The following PCDH15 variants were observed in gnomAD, a reference collection of about 807,000 sequenced individuals.
PCDH15 encodes the protein protocadherin-15.
In PCDH15, 129 loss-of-function variants were observed where a neutral mutation model predicts 178.5. That is an observed-to-expected ratio of 0.72 (90% confidence interval 0.63 to 0.84). PCDH15 has a LOEUF of 0.84. Among genes scored for constraint, PCDH15 ranks in the 40% least tolerant of loss-of-function variants. The pLI, the probability that PCDH15 is intolerant of heterozygous loss-of-function variation, is 0.00. For missense variants in PCDH15, 2,230 were observed against 2,099.9 expected (o/e 1.06, Z -1.21); for synonymous variants, 800 against 732.0 (o/e 1.09, Z -1.50).
At chr10:54,914,829 C>T (rs1352066236) in intron 2 of PCDH15, among the ~76,000 whole-genome samples, 1 of 152,160 alleles carries the variant, frequency 6.6e-6, no homozygotes, top group African/African-American at 2.4e-5. Flanking sequence ...CAAAGATTTG[C>T]TTGACATTCA....
chr10:54,380,116 ATAC>A (rs1310136196), intron 3 of PCDH15, among the ~76,000 whole-genome samples: 6 of 152,064 alleles, frequency 3.9e-5, no homozygotes, highest in Non-Finnish European at 7.4e-5. Flanking sequence ...TTTCTTTATC[ATAC>A]TACTACTACC....
At chr10:54,810,386 T>A (rs946685081) in intron 3 of PCDH15, among the ~76,000 whole-genome samples, 2 of 152,158 alleles carry the variant, frequency 1.3e-5, no homozygotes, top group African/African-American at 4.8e-5. Flanking sequence ...GCGTGGAATA[T>A]CCTGGCCTAG....
At chr10:55,623,711 G>A (rs1283445599) in intron 2 of PCDH15, among the ~76,000 whole-genome samples, 2 of 150,796 alleles carry the variant, frequency 1.3e-5, no homozygotes, top group African/African-American at 2.4e-5. Context: ...AAAGATAGGA[G>A]TGGTGGCTAC....
At chr10:55,039,701 G>T (rs1840819054) in intron 2 of PCDH15, among the ~76,000 whole-genome samples, 1 of 152,128 alleles carries the variant, frequency 6.6e-6, no homozygotes, top group Non-Finnish European at 1.5e-5. Context: ...GGAGGAGAAT[G>T]TAAAAGTGGC....
At chr10:54,856,884 G>A (rs1375314265) in intron 3 of PCDH15, among the ~76,000 whole-genome samples, 2 of 152,154 alleles carry the variant, frequency 1.3e-5, no homozygotes, top group African/African-American at 2.4e-5. Context: ...GATAAGAACT[G>A]TTGTGGCAGA....
chr10:54,958,736 G>C (rs1448073584), intron 2 of PCDH15, among the ~76,000 whole-genome samples: 2 of 151,404 alleles, frequency 1.3e-5, no homozygotes, highest in African/African-American at 4.8e-5. Context: ...GGGCATAAAA[G>C]AGATGAAATG....
At chr10:55,195,612 G>C (rs528959363) in intron 1 of PCDH15, among the ~76,000 whole-genome samples, 1 of 146,458 alleles carries the variant, frequency 6.8e-6, no homozygotes, top group African/African-American at 2.6e-5. Context: ...CTGAGATTGC[G>C]CCACTGCACT....
chr10:55,138,091 G>T (rs74136359), intron 2 of PCDH15, among the ~76,000 whole-genome samples: 7,825 of 152,164 alleles, frequency 0.051, 417 homozygotes, highest in African/African-American at 0.14. Context: ...TGTAAATAAG[G>T]AGGGTATTCT....
intron 14 of PCDH15, among the ~76,000 whole-genome samples, chr10:54,138,450 T>C (rs1238768917): frequency 6.6e-6 from 1 of 152,164 alleles, no homozygotes; most frequent in Non-Finnish European, 1.5e-5. Context: ...GTGTTGGCGA[T>C]TGTGTGTGTT....
At chr10:54,425,356 C>T (rs1956145277) in intron 3 of PCDH15, among the ~76,000 whole-genome samples, 1 of 152,080 alleles carries the variant, frequency 6.6e-6, no homozygotes, top group Non-Finnish European at 1.5e-5. Context: ...TTAGCATTCT[C>T]AGCCCTCTCG....
intron 2 of PCDH15, among the ~76,000 whole-genome samples, chr10:55,569,368 A>T (rs959474727): frequency 3.9e-5 from 6 of 152,124 alleles, no homozygotes; most frequent in Admixed American, 1.3e-4. Context: ...ATATATAAGC[A>T]TCTGTTATAA....
At chr10:55,397,923 G>A (rs1837969380) in intron 2 of PCDH15, among the ~76,000 whole-genome samples, 1 of 152,078 alleles carries the variant, frequency 6.6e-6, no homozygotes, top group African/African-American at 2.4e-5. Flanking sequence ...GAGGTCTAGT[G>A]ACTGACGTGA....
intron 25 of PCDH15, among the ~76,000 whole-genome samples, chr10:53,926,836 A>C (rs1589455962): frequency 6.6e-6 from 1 of 152,216 alleles, no homozygotes; most frequent in African/African-American, 2.4e-5. Flanking sequence ...CATGTACTTC[A>C]TGCTACTACT....
intron 2 of PCDH15, among the ~76,000 whole-genome samples, chr10:55,329,732 C>G (rs746534640): frequency 6.6e-6 from 1 of 151,588 alleles, no homozygotes; most frequent in Non-Finnish European, 1.5e-5. Context: ...TTTGAGATGC[C>G]AACCAATAAT....
At chr10:54,002,784 G>T (rs2092223025) in intron 20 of PCDH15, among the ~76,000 whole-genome samples, 1 of 151,660 alleles carries the variant, frequency 6.6e-6, no homozygotes, top group Non-Finnish European at 1.5e-5. Context: ...AGGATTCAAA[G>T]TTAACCACTC....
intron 25 of PCDH15, among the ~76,000 whole-genome samples, chr10:53,923,690 T>C (rs1203638486): frequency 6.6e-6 from 1 of 152,240 alleles, no homozygotes; most frequent in Non-Finnish European, 1.5e-5. Context: ...CCAAGTTAAC[T>C]ATTATCCAAC....
intron 29 of PCDH15, among the ~76,000 whole-genome samples, chr10:53,839,202 C>CAAA (rs758823713): frequency 0.12 from 8,541 of 73,860 alleles, 965 homozygotes; most frequent in African/African-American, 0.13. Context: ...GTCTCCGTCT[C>CAAA]AAAAAAAAAA....
chr10:54,908,845 T>C (rs1954770594), intron 2 of PCDH15, among the ~76,000 whole-genome samples: 1 of 151,680 alleles, frequency 6.6e-6, no homozygotes, highest in South Asian at 2.1e-4. Context: ...TCCCAATATG[T>C]GTTCAGCTCT....
chr10:54,125,181 G>A (rs1178016261), intron 15 of PCDH15, among the ~76,000 whole-genome samples: 1 of 151,956 alleles, frequency 6.6e-6, no homozygotes, highest in Non-Finnish European at 1.5e-5. Flanking sequence ...AACTGGAGGT[G>A]TCAACATTCA....
Sources: allele counts gnomAD v4.1 joint callset (sites outside exome capture counted in the v4.1 genomes callset), GRCh38; gene constraint gnomAD v4.1.1; transcripts MANE v1.5; gene names NCBI Gene and HGNC (gene_info 2026-07-23, HGNC 2026-07-21).